SLC35H1: variants seen among roughly 807,000 people sequenced by gnomAD.
The protein encoded by SLC35H1 is ovarian cancer-overexpressed gene 1 protein.
the SLC35H1 span, chr20:46,358,713 T>A: frequency 6.4e-7 from 1 of 1,550,730 alleles, no homozygotes; most frequent in South Asian, 1.2e-5. Flanking sequence ...TGGCTGGTGC[T>A]GACCCTTCCC....
At chr20:46,354,091 C>T in the SLC35H1 span, among the ~76,000 whole-genome samples, 1 of 151,956 alleles carries the variant, frequency 6.6e-6, no homozygotes, top group Non-Finnish European at 1.5e-5. Context: ...TCACACCTCC[C>T]AGCCTACACA....
chr20:46,350,100 C>T, the SLC35H1 span: 1 of 256,306 alleles, frequency 3.9e-6, no homozygotes, highest in Non-Finnish European at 7.4e-6. Context: ...TGAGTCTCGG[C>T]TGTCAGAGCC....
At chr20:46,350,384 C>T in the SLC35H1 span, 2 of 1,600,408 alleles carry the variant, frequency 1.2e-6, no homozygotes, top group South Asian at 2.2e-5. Flanking sequence ...AAGCCATTTG[C>T]CCTGGCTGGT....
chr20:46,354,861 G>T, the SLC35H1 span: 3 of 1,573,344 alleles, frequency 1.9e-6, no homozygotes, highest in Non-Finnish European at 2.6e-6. Context: ...AGGTGCCCTT[G>T]AGAGGGAAGG....
the SLC35H1 span, chr20:46,351,917 TG>T: frequency 1.1e-6 from 1 of 927,334 alleles, no homozygotes; most frequent in Non-Finnish European, 1.6e-6. Flanking sequence ...GCAAAGTGCC[TG>T]GCACCTAATG....
the SLC35H1 span, chr20:46,350,399 G>A: frequency 3.7e-6 from 6 of 1,610,274 alleles, no homozygotes; most frequent in Non-Finnish European, 4.2e-6. Context: ...GCTGGTCACT[G>A]CTGCCCCTGG....
the SLC35H1 span, among the ~76,000 whole-genome samples, chr20:46,359,485 C>T: frequency 2.6e-5 from 4 of 152,144 alleles, no homozygotes; most frequent in Admixed American, 6.5e-5. Context: ...AGCAGGCATG[C>T]GATTTTCAGG....
At chr20:46,353,637 C>A in the SLC35H1 span, among the ~76,000 whole-genome samples, 1 of 152,092 alleles carries the variant, frequency 6.6e-6, no homozygotes, top group African/African-American at 2.4e-5. Context: ...GAAGGGAATT[C>A]GGGGAAGAGC....
At chr20:46,347,189 C>A in the SLC35H1 span, 1 of 152,210 alleles carries the variant, frequency 6.6e-6, no homozygotes. Flanking sequence ...TCCAAAAGCA[C>A]GCAGCTAATC....
the SLC35H1 span, chr20:46,355,476 TGTCCTAG>T: frequency 1.6e-6 from 1 of 629,546 alleles, no homozygotes; most frequent in Non-Finnish European, 2.7e-6. This position sits in a 1 kb window ranked among gnomAD's most constrained non-coding sequence, Gnocchi z 4.8. Flanking sequence ...CACTGACGGC[TGTCCTAG>T]GCCCCCAAGT....
the SLC35H1 span, chr20:46,348,869 G>C: frequency 6.6e-6 from 1 of 152,198 alleles, no homozygotes; most frequent in Non-Finnish European, 1.5e-5. Flanking sequence ...TTTGTGCTAC[G>C]ATGGCAGAGT....
chr20:46,356,446 C>T, the SLC35H1 span: 2 of 896,080 alleles, frequency 2.2e-6, no homozygotes, highest in Non-Finnish European at 3.6e-6. Flanking sequence ...CAGGGAGAGG[C>T]TGAGAGAGCA....
the SLC35H1 span, chr20:46,352,229 G>A: frequency 6.2e-7 from 1 of 1,613,970 alleles, no homozygotes; most frequent in Non-Finnish European, 8.5e-7. Flanking sequence ...ATGGAGACCT[G>A]AAAGCAACAG....
At chr20:46,355,862 G>C in the SLC35H1 span, 2 of 1,614,028 alleles carry the variant, frequency 1.2e-6, no homozygotes, top group South Asian at 2.2e-5. This position sits in a 1 kb window ranked among gnomAD's most constrained non-coding sequence, Gnocchi z 4.8. Flanking sequence ...CTGAGGATTT[G>C]GTCATTGTGT....
At chr20:46,352,475 G>A in the SLC35H1 span, 1 of 481,440 alleles carries the variant, frequency 2.1e-6, no homozygotes, top group Non-Finnish European at 3.7e-6. Context: ...GATCCTAGCA[G>A]GATGATGCGG....
chr20:46,362,519 T>C, the SLC35H1 span, among the ~76,000 whole-genome samples: 2 of 152,298 alleles, frequency 1.3e-5, no homozygotes, highest in South Asian at 2.1e-4. Flanking sequence ...CTCACTACTG[T>C]GTGACCCTAA....
At chr20:46,353,659 T>C in the SLC35H1 span, among the ~76,000 whole-genome samples, 1 of 152,124 alleles carries the variant, frequency 6.6e-6, no homozygotes, top group Non-Finnish European at 1.5e-5. Context: ...GCATAAGTAA[T>C]GAAGGCGCTT....
the SLC35H1 span, among the ~76,000 whole-genome samples, chr20:46,353,816 T>C: frequency 6.6e-6 from 1 of 151,396 alleles, no homozygotes; most frequent in African/African-American, 2.4e-5. Context: ...TGGCGTTTGG[T>C]ACAAGGGGGC....
chr20:46,363,337 A>G, the SLC35H1 span, among the ~76,000 whole-genome samples: 1 of 152,184 alleles, frequency 6.6e-6, no homozygotes, highest in Admixed American at 6.6e-5. Context: ...AATTCTTTAC[A>G]TCAGCCCTGA....
Sources: gnomAD v4.1 joint callset for allele counts (sites outside exome capture counted in the v4.1 genomes callset) on GRCh38, gnomAD v4.1.1 for gene constraint, Gnocchi (gnomAD v3.1) non-coding constraint, MANE v1.5 for transcripts, NCBI Gene and HGNC (gene_info 2026-07-23, HGNC 2026-07-21) for gene names.